PRKN: variants seen among roughly 807,000 people sequenced by gnomAD.
PRKN encodes E3 ubiquitin-protein ligase parkin.
Under a neutral mutation model 59.5 loss-of-function variants are expected in PRKN, and 56 were observed. The ratio of observed to expected loss-of-function variants is 0.94; its 90% CI spans 0.76 to 1.18. The LOEUF (loss-of-function observed/expected upper bound fraction) is 1.18. PRKN is among the 50% of genes most tolerant of loss of function. PRKN has a pLI of 0.00. For missense variants in PRKN, 657 were observed against 596.4 expected (o/e 1.10, Z -1.06); for synonymous variants, 250 against 222.1 (o/e 1.13, Z -1.12).
At chr6:162,580,704 G>A (rs71567659) in intron 1 of PRKN, among the ~76,000 whole-genome samples, 15,573 of 152,172 alleles carry the variant, frequency 0.1, 943 homozygotes, top group Middle Eastern at 0.19. Context: ...AATTAGGCAA[G>A]GCCCCTTTCC....
At position 161,530,978 on chromosome 6, in the gene PRKN, C is replaced by T. The variant is rs374753504; in HGVS notation, c.1083+17876G>A. ...TCAGTTTCATATTTTCAACTACCTACGGGATATTTTATTGCTTCAAACAGA... is the reference window on the plus strand; with the variant it reads ...TCAGTTTCATATTTTCAACTACCTATGGGATATTTTATTGCTTCAAACAGA... On this transcript the variant is annotated intron_variant, in intron 9 of 11. Transcript: ENST00000366898. The surrounding 1 kb of genome is among the most constrained non-coding windows in gnomAD (Gnocchi z 5.0). 7.2e-5 allele frequency among the ~76,000 whole-genome samples: 11 copies of T among 152,280 alleles called. No homozygotes were observed. Among genetic ancestry groups the T allele is most frequent in the East Asian group, 5.8e-4 (3 of 5,172 alleles).
Position 161,457,626 on chromosome 6 carries a change from G to T in PRKN, c.1084-70749C>A, listed in dbSNP as rs943796301. On this transcript the variant is annotated intron_variant, in intron 9 of 11. Coordinates refer to ENST00000366898, the MANE Select transcript of PRKN (RefSeq NM_004562.3). This position sits in a 1 kb window ranked among gnomAD's most constrained non-coding sequence, Gnocchi z 5.0. ...TTAATGAATGCTCTGTGATCTGAGG[G>T]CTGAAGATACATTACTGAAAACTCC... 1.3e-5 allele frequency among the ~76,000 whole-genome samples: 2 copies of T among 152,148 alleles called. No homozygotes were observed. The highest frequency in any genetic ancestry group is 2.9e-5 in the Non-Finnish European group (2 of 68,028).
At chr6:161,860,384 G>A (rs1793843662) in intron 6 of PRKN, among the ~76,000 whole-genome samples, 1 of 152,128 alleles carries the variant, frequency 6.6e-6, no homozygotes, top group South Asian at 2.1e-4. Context: ...GTAGAGACTA[G>A]GACACTTGGT....
chr6:161,380,122 C>T (rs9347502), intron 10 of PRKN, among the ~76,000 whole-genome samples: 34,730 of 151,996 alleles, frequency 0.23, 4,235 homozygotes, highest in South Asian at 0.31. Flanking sequence ...CCTCCCTGAA[C>T]GTGTCATTCA....
chr6:162,179,898 C>A (rs879719613), intron 4 of PRKN, among the ~76,000 whole-genome samples: 14 of 134,936 alleles, frequency 1.0e-4, no homozygotes, highest in Non-Finnish European at 1.6e-4. Flanking sequence ...TGTTTGCCTC[C>A]TCTTCCCATT....
chr6:161,752,966 T>C (rs1181447266), intron 7 of PRKN, among the ~76,000 whole-genome samples: 2 of 152,062 alleles, frequency 1.3e-5, no homozygotes, highest in Admixed American at 1.3e-4. Context: ...GTGGTAACGC[T>C]TGTGTGAGGA....
intron 1 of PRKN, among the ~76,000 whole-genome samples, chr6:162,505,083 T>C (rs983234429): frequency 6.6e-6 from 1 of 152,162 alleles, no homozygotes; most frequent in Non-Finnish European, 1.5e-5. Flanking sequence ...TTCCATAAAC[T>C]GCCAGTGGCC....
intron 1 of PRKN, among the ~76,000 whole-genome samples, chr6:162,684,994 T>C (rs550877250): frequency 7.3e-4 from 111 of 152,314 alleles, no homozygotes; most frequent in African/African-American, 2.5e-3. Context: ...AAAAGAAAAT[T>C]TGTAATTTAT....
intron 2 of PRKN, among the ~76,000 whole-genome samples, chr6:162,353,345 T>C (rs1784701449): frequency 6.6e-6 from 1 of 151,850 alleles, no homozygotes; most frequent in Admixed American, 6.6e-5. Flanking sequence ...GCACAAAAAT[T>C]ACTGGAACTG....
At position 161,547,500 on chromosome 6, in the gene PRKN, C is replaced by A. The variant is rs1583214088; in HGVS notation, c.1083+1354G>T. On this transcript the variant is annotated intron_variant, in intron 9 of 11. Transcript: ENST00000366898. This position sits in a 1 kb window ranked among gnomAD's most constrained non-coding sequence, Gnocchi z 4.0. ...CAACAACCAAATGCAAAAGATGGGC[C>A]AGCAAAAGTCTCTACCTCCTAAGAA... is the stretch of plus-strand genomic sequence containing the variant. Among the ~76,000 whole-genome samples the A allele has an allele frequency of 6.6e-6, 1 of 152,312 alleles. No homozygotes were observed. The highest frequency in any genetic ancestry group is 1.9e-4 in the East Asian group (1 of 5,190).
chr6:161,670,051 G>C (rs941027521), intron 7 of PRKN, among the ~76,000 whole-genome samples: 13 of 152,210 alleles, frequency 8.5e-5, no homozygotes, highest in African/African-American at 2.9e-4. Context: ...GAAGATCTGA[G>C]AGACATAAGC....
chr6:161,497,264 CT>C lies in PRKN; in HGVS notation c.1083+51589del, dbSNP rs1395621305. On this transcript the variant is annotated intron_variant, in intron 9 of 11. Transcript: ENST00000366898. The surrounding 1 kb of genome is among the most constrained non-coding windows in gnomAD (Gnocchi z 4.6). ...GCCAAGGAGTGGAAGGGATTTGTAC[CT>C]CCTTAGGACAACTTCCCAGGTAAGG... 7.2e-5 allele frequency among the ~76,000 whole-genome samples: 11 copies of C among 152,270 alleles called. No homozygotes were observed. The highest frequency in any genetic ancestry group is 2.6e-4 in the African/African-American group (11 of 41,560).
chr6:162,139,897 A>AT (rs1049970823), intron 4 of PRKN, among the ~76,000 whole-genome samples: 2 of 152,016 alleles, frequency 1.3e-5, no homozygotes, highest in African/African-American at 4.8e-5. Context: ...TCTCAAAAAA[A>AT]AAAAAAAATT....
Position 161,419,704 on chromosome 6 carries a change from A to G in PRKN, c.1084-32827T>C, listed in dbSNP as rs918997977. Reference sequence around the variant, plus strand: ...CGCCCAGCCTCCTCTGACTTTTGTAAGGGAAATAATTAGATTCTGCTTGTG... The same window carrying G: ...CGCCCAGCCTCCTCTGACTTTTGTAGGGGAAATAATTAGATTCTGCTTGTG... On this transcript the variant is annotated intron_variant, in intron 9 of 11. Transcript: ENST00000366898. The surrounding 1 kb of genome is among the most constrained non-coding windows in gnomAD (Gnocchi z 4.1). Among the ~76,000 whole-genome samples, 51 of 151,872 alleles carry G rather than the reference A, an allele frequency of 3.4e-4. No homozygotes were observed. The highest frequency in any genetic ancestry group is 2.9e-3 in the Admixed American group (45 of 15,266).
chr6:161,786,917 A>AG (rs1171543778), intron 6 of PRKN, among the ~76,000 whole-genome samples: 2 of 151,580 alleles, frequency 1.3e-5, no homozygotes, highest in African/African-American at 2.4e-5. Flanking sequence ...TGTAGAAAAA[A>AG]AAATCTTAAA....
At chr6:161,514,377 TA>T (rs1455457648) in intron 9 of PRKN, among the ~76,000 whole-genome samples, 1 of 152,020 alleles carries the variant, frequency 6.6e-6, no homozygotes, top group East Asian at 1.9e-4. Flanking sequence ...TCAGACCATA[TA>T]AGGCTGGGAC....
At chr6:161,926,631 T>G (rs545612634) in intron 6 of PRKN, among the ~76,000 whole-genome samples, 83 of 152,322 alleles carry the variant, frequency 5.4e-4, no homozygotes, top group Non-Finnish European at 9.7e-4. Context: ...TTCATGTTCG[T>G]CTTATCCCTG....
chr6:161,813,389 C>T (rs889339105), intron 6 of PRKN, among the ~76,000 whole-genome samples: 1 of 152,206 alleles, frequency 6.6e-6, no homozygotes, highest in Non-Finnish European at 1.5e-5. Context: ...CTGTGGACAG[C>T]TTCTGGCTGA....
At chr6:162,268,976 A>C (rs1386377125) in intron 2 of PRKN, among the ~76,000 whole-genome samples, 1 of 150,808 alleles carries the variant, frequency 6.6e-6, no homozygotes, top group African/African-American at 2.5e-5. Flanking sequence ...AGATTAGTCC[A>C]GTGTGATTTT....
Sources: gnomAD v4.1 joint callset for allele counts (sites outside exome capture counted in the v4.1 genomes callset) on GRCh38, gnomAD v4.1.1 for gene constraint, Gnocchi (gnomAD v3.1) non-coding constraint, MANE v1.5 for transcripts, NCBI Gene and HGNC (gene_info 2026-07-23, HGNC 2026-07-21) for gene names.